DCAKD: variants seen among roughly 807,000 people sequenced by gnomAD.
DCAKD encodes the protein dephospho-CoA kinase domain containing.
DCAKD carries 15 observed loss-of-function variants against 18.7 expected under a neutral mutation model. The ratio of observed to expected loss-of-function variants is 0.80; its 90% CI spans 0.54 to 1.24. DCAKD has a LOEUF of 1.24. Among genes scored for constraint, DCAKD ranks in the 50% most tolerant of loss-of-function variants. DCAKD has a pLI of 0.00. For missense variants in DCAKD, 301 were observed against 322.0 expected, an observed-to-expected ratio of 0.93 and a Z score of 0.50; for synonymous variants, 130 against 133.0, an observed-to-expected ratio of 0.98 and a Z score of 0.16.
chr17:45,039,851 G>A (rs565610996), intron 1 of DCAKD, among the ~76,000 whole-genome samples: 98 of 152,374 alleles, frequency 6.4e-4, no homozygotes, highest in African/African-American at 1.7e-3. Context: ...CGCAGTGGCT[G>A]TAAGGCCAAG....
chr17:45,024,657 G>A lies in DCAKD; in HGVS notation c.472C>T (p.Arg158Cys), dbSNP rs772231057. Reference protein sequence around the residue: ...NSLNRKDAEARINAQLPLTDK... With the variant: ...NSLNRKDAEACINAQLPLTDK... The stretch of plus-strand genomic sequence containing the variant: ...GTCAGGGGCAGCTGGGCATTGATGC[G>A]GGCCTCTGCGTCCTTGCGGTTCAGG... Residue 158 changes from arginine (R) to cysteine (C), a missense_variant, in exon 5 of 5, where the codon CGC becomes TGC. By Grantham distance (180) the Arg-to-Cys change is radical (BLOSUM62 -3). Transcript: ENST00000651974. The A allele has an allele frequency of 5.0e-6, 8 of 1,611,184 alleles. No individual in the cohort carries two copies. The highest frequency in any genetic ancestry group is 2.2e-5 in the South Asian group (2 of 91,010).
At chr17:45,053,119 C>T (rs1260596593), upstream of DCAKD, among the ~76,000 whole-genome samples, 2 of 124,564 alleles carry the variant, frequency 1.6e-5, no homozygotes, top group Non-Finnish European at 3.2e-5. Flanking sequence ...GCCCAAGATC[C>T]GGTCACTGCA....
intron 1 of DCAKD, among the ~76,000 whole-genome samples, chr17:45,046,724 A>C (rs2143348332): frequency 6.6e-6 from 1 of 151,740 alleles, no homozygotes; most frequent in African/African-American, 2.4e-5. Flanking sequence ...AGATTTTCTG[A>C]GAGGCACAAA....
chr17:45,052,268 A>G (rs977143917), upstream of DCAKD, among the ~76,000 whole-genome samples: 1 of 152,174 alleles, frequency 6.6e-6, no homozygotes, highest in Admixed American at 6.5e-5. Context: ...CTTCGGATAT[A>G]AAGCTCGGCC....
At chr17:45,025,317 G>C (rs931371041) in intron 4 of DCAKD, among the ~76,000 whole-genome samples, 1 of 152,114 alleles carries the variant, frequency 6.6e-6, no homozygotes, top group African/African-American at 2.4e-5. Context: ...TATCTCTTGT[G>C]CTTAATGCCA....
At chr17:45,036,227 A>C (rs1008570182) in intron 1 of DCAKD, among the ~76,000 whole-genome samples, 1 of 152,054 alleles carries the variant, frequency 6.6e-6, no homozygotes, top group African/African-American at 2.4e-5. Context: ...GGATCATAAG[A>C]CTGCCTTGGC....
rs555435262 is a variant in DCAKD at position 45,044,713 on chromosome 17, A to C, written c.-115+6648T>G. On this transcript the variant is annotated intron_variant, in intron 1 of 4. Transcript: ENST00000651974. Reference sequence around the variant, plus strand: ...TCAATAAATAAATAAATAAATAAATAAATAAATAAATAAATAAATAAATAA... The same window carrying C: ...TCAATAAATAAATAAATAAATAAATCAATAAATAAATAAATAAATAAATAA... Among the ~76,000 whole-genome samples, 235 of 151,660 alleles carry C rather than the reference A, an allele frequency of 1.5e-3. 2 individuals are homozygous for C. Among genetic ancestry groups the C allele is most frequent in the African/African-American group, 4.9e-3 (202 of 41,444 alleles).
chr17:45,048,162 G>T (rs1567849033), intron 1 of DCAKD, among the ~76,000 whole-genome samples: 1 of 151,878 alleles, frequency 6.6e-6, no homozygotes, highest in African/African-American at 2.4e-5. Flanking sequence ...GTCAAGGCAG[G>T]AGGATCACTT....
intron 4 of DCAKD, among the ~76,000 whole-genome samples, chr17:45,025,887 G>A (rs2053044732): frequency 6.6e-6 from 1 of 151,458 alleles, no homozygotes; most frequent in African/African-American, 2.4e-5. Context: ...GAGTAGCTGG[G>A]ATTACTGGCA....
In DCAKD at chr17:45,034,227, G is replaced by GCGAAT. The variant is rs1567835004; in HGVS notation, c.271_275dup (p.Lys93PhefsTer5). 6.2e-7 allele frequency: 1 copy of GCGAAT among 1,614,078 alleles called. No homozygotes were observed. The highest frequency in any genetic ancestry group is 2.2e-5 in the East Asian group (1 of 44,870). On this transcript the variant is annotated frameshift_variant, in exon 3 of 5. Coordinates refer to ENST00000651974, the MANE Select transcript of DCAKD (RefSeq NM_001288655.2). LOFTEE classifies it high-confidence loss of function. ...TGAACGTCTCCTTCATCATCTCCTT[G>GCGAAT]CGAATCTCGGGGTGGGTGATGGCGT...
chr17:45,054,736 C>T (rs193012921), upstream of DCAKD, among the ~76,000 whole-genome samples: 79 of 152,292 alleles, frequency 5.2e-4, no homozygotes, highest in African/African-American at 1.7e-3. Context: ...GTGGTTCTCA[C>T]CCTTTTCCCT....
intron 1 of DCAKD, among the ~76,000 whole-genome samples, chr17:45,045,569 T>C (rs2053547977): frequency 6.6e-6 from 1 of 151,902 alleles, no homozygotes; most frequent in Non-Finnish European, 1.5e-5. Context: ...CTGTCTCTAT[T>C]AAAAATACAA....
At chr17:45,060,284 G>A (rs892188927) in intron 1 of DCAKD, among the ~76,000 whole-genome samples, 5 of 152,100 alleles carry the variant, frequency 3.3e-5, no homozygotes, top group Non-Finnish European at 7.4e-5. Flanking sequence ...AGCACTTTGC[G>A]GGGTTGGGGT....
chr17:45,031,336 T>C (rs2053167163), intron 3 of DCAKD: 3 of 985,176 alleles, frequency 3.0e-6, no homozygotes, highest in African/African-American at 3.5e-5. Context: ...GTTAAAACCA[T>C]AGGCTCTGAT....
At chr17:45,035,028 C>T in intron 1 of DCAKD, 29 bp from the exon 2 acceptor site, 1 of 732,770 alleles carries the variant, frequency 1.4e-6, no homozygotes, top group Non-Finnish European at 2.3e-6. Context: ...CGGGACTGAT[C>T]AGTTTGGGCC....
At chr17:45,037,879 G>A (rs2053340153) in intron 1 of DCAKD, among the ~76,000 whole-genome samples, 1 of 150,270 alleles carries the variant, frequency 6.7e-6, no homozygotes. Flanking sequence ...CCATTCTCCT[G>A]CCTCAAACTC....
At chr17:45,027,063 C>T (rs2053070576) in intron 4 of DCAKD, among the ~76,000 whole-genome samples, 1 of 152,232 alleles carries the variant, frequency 6.6e-6, no homozygotes, top group South Asian at 2.1e-4. Flanking sequence ...ATGAAATTGG[C>T]TGGGCACAGT....
intron 4 of DCAKD, chr17:45,026,872 G>A (rs2053066747): frequency 2.1e-6 from 2 of 970,480 alleles, no homozygotes; most frequent in African/African-American, 1.8e-5. Context: ...CTCCCAGTAG[G>A]TGCACATCCT....
At chr17:45,039,304 C>G (rs1424014603) in intron 1 of DCAKD, among the ~76,000 whole-genome samples, 1 of 152,230 alleles carries the variant, frequency 6.6e-6, no homozygotes, top group Non-Finnish European at 1.5e-5. Context: ...GACCCTCTTT[C>G]TGCTCTGGTC....
Sources: allele counts gnomAD v4.1 joint callset (sites outside exome capture counted in the v4.1 genomes callset), GRCh38; gene constraint gnomAD v4.1.1; transcripts MANE v1.5; gene names NCBI Gene and HGNC (gene_info 2026-07-23, HGNC 2026-07-21).